The following PLCZ1 variants were observed in gnomAD, a reference collection of about 807,000 sequenced individuals.
The protein encoded by PLCZ1 is 1-phosphatidylinositol 4,5-bisphosphate phosphodiesterase zeta-1.
In PLCZ1, 64 loss-of-function variants were observed where a neutral mutation model predicts 76.8. That is an observed-to-expected ratio of 0.83 (90% CI 0.68 to 1.03). The LOEUF (loss-of-function observed/expected upper bound fraction) is 1.03, where lower values mean the gene tolerates loss of function less well. Among genes scored for constraint, PLCZ1 ranks in the 50% least tolerant of loss-of-function variants. The pLI is 0.00. For missense variants in PLCZ1, 751 were observed against 713.7 expected (o/e 1.05, Z -0.60); for synonymous variants, 248 against 230.8 (o/e 1.07, Z -0.68).
the PLCZ1 span, among the ~76,000 whole-genome samples, chr12:18,671,376 C>T: frequency 6.6e-6 from 1 of 151,750 alleles, no homozygotes; most frequent in Non-Finnish European, 1.5e-5. Flanking sequence ...AAGAAACAGA[C>T]ACATGTAGGA....
At chr12:18,703,557 AC>A (rs932275565) in intron 7 of PLCZ1, among the ~76,000 whole-genome samples, 3 of 152,174 alleles carry the variant, frequency 2.0e-5, no homozygotes, top group Non-Finnish European at 2.9e-5. Flanking sequence ...TGACTAAATG[AC>A]CTTAGAGATA....
chr12:18,654,934 A>T, the PLCZ1 span, among the ~76,000 whole-genome samples: 1 of 152,234 alleles, frequency 6.6e-6, no homozygotes, highest in Non-Finnish European at 1.5e-5. Context: ...AAAGACACTT[A>T]GTTCTGGGAA....
At chr12:18,717,081 T>G (rs1958068654) in intron 5 of PLCZ1, among the ~76,000 whole-genome samples, 1 of 152,158 alleles carries the variant, frequency 6.6e-6, no homozygotes, top group Non-Finnish European at 1.5e-5. Flanking sequence ...ACTTTCATAC[T>G]AAGCATGTGT....
At chr12:18,680,883 T>C (rs1213842813), downstream of PLCZ1, among the ~76,000 whole-genome samples, 1 of 152,092 alleles carries the variant, frequency 6.6e-6, no homozygotes, top group Non-Finnish European at 1.5e-5. Context: ...GTCAATTCTA[T>C]GATTGGAGTA....
intron 12 of PLCZ1, chr12:18,693,015 A>G: frequency 4.9e-6 from 7 of 1,420,650 alleles, no homozygotes; most frequent in Non-Finnish European, 6.0e-6. Context: ...AGAATTCATT[A>G]GAAATCAGGA....
chr12:18,696,275 G>T lies in PLCZ1; in HGVS notation c.1175-9C>A, dbSNP rs750935271. ...AAAAATAAACTCATGGACTGAAAAA[G>T]AATAATTAAAACATTGTGAAAGAAT... On this transcript the variant is annotated splice_polypyrimidine_tract_variant and intron_variant, in intron 10 of 14. Coordinates refer to ENST00000266505, the MANE Select transcript of PLCZ1 (RefSeq NM_033123.4). The T allele has an allele frequency of 1.3e-5, 17 of 1,297,110 alleles. No homozygotes were observed. The highest frequency in any genetic ancestry group is 1.7e-5 in the African/African-American group (1 of 57,520). The allele number at this position is 1,297,110 out of a possible 1,614,324, so 80.4% of individuals were successfully genotyped here. A position where few individuals can be genotyped will look rare whatever the true frequency, so the allele number is the denominator to read the frequency against.
the PLCZ1 span, among the ~76,000 whole-genome samples, chr12:18,646,375 C>T: frequency 6.6e-6 from 1 of 152,100 alleles, no homozygotes; most frequent in South Asian, 2.1e-4. Flanking sequence ...GAAGAGGTAG[C>T]CAAGAACACT....
intron 6 of PLCZ1, 117 bp downstream of exon 6, chr12:18,712,725 T>G: frequency 7.7e-7 from 1 of 1,291,740 alleles, no homozygotes; most frequent in Admixed American, 1.8e-5. Context: ...TAATGGATCA[T>G]AACCCACAAT....
intron 2 of PLCZ1, among the ~76,000 whole-genome samples, chr12:18,737,025 A>T (rs969747228): frequency 6.6e-6 from 1 of 152,174 alleles, no homozygotes; most frequent in African/African-American, 2.4e-5. Context: ...TGAAAAACTA[A>T]GATCGAAATG....
intron 5 of PLCZ1, among the ~76,000 whole-genome samples, chr12:18,717,331 T>C (rs1958103653): frequency 1.3e-5 from 2 of 152,188 alleles, no homozygotes; most frequent in Non-Finnish European, 2.9e-5. Context: ...AATGAATACA[T>C]TTCAAAATTT....
chr12:18,724,989 G>A lies in PLCZ1; in HGVS notation c.136-1447C>T, dbSNP rs570015514. Among the ~76,000 whole-genome samples the A allele has an allele frequency of 3.9e-5, 6 of 152,082 alleles. No individual in the cohort carries two copies. In the East Asian group the frequency reaches 1.2e-3, roughly 29 times the overall value. On this transcript the variant is annotated intron_variant, in intron 3 of 14. Coordinates refer to ENST00000266505, the MANE Select transcript of PLCZ1 (RefSeq NM_033123.4). ...GTTCTCTGATAATTTGTTTTGTCTC[G>A]TGTTCTTCTAAAAGGTCAAAGTTGC...
intron 13 of PLCZ1, 50 bp from the exon 14 acceptor site, chr12:18,684,329 G>GA: frequency 1.3e-6 from 2 of 1,514,178 alleles, no homozygotes; most frequent in Middle Eastern, 2.0e-4. Flanking sequence ...CCATATCTAG[G>GA]AAAAAATAGA....
the PLCZ1 span, among the ~76,000 whole-genome samples, chr12:18,662,526 A>G: frequency 6.6e-6 from 1 of 152,282 alleles, no homozygotes; most frequent in African/African-American, 2.4e-5. Context: ...GTGAAGAAGT[A>G]AAGATCCACA....
chr12:18,686,334 AAAAG>A (rs1293737914), intron 13 of PLCZ1, among the ~76,000 whole-genome samples: 2 of 152,022 alleles, frequency 1.3e-5, no homozygotes, highest in Non-Finnish European at 2.9e-5. Flanking sequence ...TTTTCTAGAA[AAAAG>A]AAAGTTCCTG....
At chr12:18,658,273 A>G in the PLCZ1 span, among the ~76,000 whole-genome samples, 1 of 152,208 alleles carries the variant, frequency 6.6e-6, no homozygotes, top group African/African-American at 2.4e-5. Flanking sequence ...AAAAGGACAG[A>G]AAGAATATTT....
chr12:18,719,248 C>T (rs1320159264), intron 5 of PLCZ1, among the ~76,000 whole-genome samples, 183 bp downstream of exon 5: 1 of 152,052 alleles, frequency 6.6e-6, no homozygotes, highest in African/African-American at 2.4e-5. Flanking sequence ...CAATAAATTA[C>T]GTTGCCACTT....
intron 3 of PLCZ1, among the ~76,000 whole-genome samples, chr12:18,733,283 C>A (rs183821198): frequency 2.6e-5 from 4 of 152,306 alleles, no homozygotes; most frequent in Non-Finnish European, 5.9e-5. Context: ...TCCCTTTGCA[C>A]ATTTTCTAAT....
At chr12:18,694,210 CA>C in intron 12 of PLCZ1, 1 of 624,786 alleles carries the variant, frequency 1.6e-6, no homozygotes, top group East Asian at 2.7e-5. Flanking sequence ...TTTTTATTAG[CA>C]AAACATCCTG....
chr12:18,648,687 T>A, the PLCZ1 span, among the ~76,000 whole-genome samples: 1 of 152,234 alleles, frequency 6.6e-6, no homozygotes, highest in South Asian at 2.1e-4. Flanking sequence ...ATGCCTGGAC[T>A]CCAAGATCTC....
Sources: gnomAD v4.1 joint callset for allele counts (sites outside exome capture counted in the v4.1 genomes callset) on GRCh38, gnomAD v4.1.1 for gene constraint, MANE v1.5 for transcripts, NCBI Gene and HGNC (gene_info 2026-07-23, HGNC 2026-07-21) for gene names.